CMC1: variants seen among roughly 807,000 people sequenced by gnomAD.
CMC1 encodes C-X9-C motif containing 1.
In CMC1, 14 loss-of-function variants were observed where a neutral mutation model predicts 14.1. The ratio of observed to expected loss-of-function variants is 0.99; its 90% confidence interval spans 0.66 to 1.55. CMC1 has a LOEUF of 1.55. Ranked by LOEUF, CMC1 falls within the 40% of genes most tolerant of loss-of-function variation. CMC1 has a pLI of 0.00. For missense variants in CMC1, 127 were observed against 123.8 expected (o/e 1.03, Z -0.12); for synonymous variants, 50 against 38.4 (o/e 1.30, Z -1.12).
chr3:28,255,791 A>G (rs1350491654), intron 1 of CMC1, among the ~76,000 whole-genome samples: 2 of 151,738 alleles, frequency 1.3e-5, no homozygotes, highest in South Asian at 2.1e-4. Flanking sequence ...AAATGTTTAT[A>G]CTCTGGTTCT....
At chr3:28,254,974 A>T (rs1404266055) in intron 1 of CMC1, among the ~76,000 whole-genome samples, 1 of 152,090 alleles carries the variant, frequency 6.6e-6, no homozygotes, top group Non-Finnish European at 1.5e-5. Flanking sequence ...TCAGCTTTCC[A>T]CTCTACAAGA....
chr3:28,311,778 G>T (rs1702649739), intron 2 of CMC1, among the ~76,000 whole-genome samples: 1 of 152,170 alleles, frequency 6.6e-6, no homozygotes. Context: ...TTATGTTACA[G>T]ATTTAAAACT....
intron 2 of CMC1, among the ~76,000 whole-genome samples, chr3:28,280,697 A>C (rs1035028821): frequency 6.6e-6 from 1 of 152,256 alleles, no homozygotes; most frequent in South Asian, 2.1e-4. Flanking sequence ...AGCATCATAT[A>C]TAATATGGAA....
chr3:28,271,923 T>C (rs1055213987), intron 2 of CMC1, among the ~76,000 whole-genome samples: 5 of 152,208 alleles, frequency 3.3e-5, no homozygotes, highest in African/African-American at 1.2e-4. Flanking sequence ...TAGTTCTCCT[T>C]GAAGAGGTCC....
At chr3:28,246,283 ACT>A (rs1165502998) in intron 1 of CMC1, among the ~76,000 whole-genome samples, 2 of 152,156 alleles carry the variant, frequency 1.3e-5, no homozygotes, top group African/African-American at 4.8e-5. Context: ...CGGATTAACA[ACT>A]CTCTGATGGT....
At chr3:28,267,834 A>G (rs980671597) in intron 2 of CMC1, among the ~76,000 whole-genome samples, 2 of 152,220 alleles carry the variant, frequency 1.3e-5, no homozygotes, top group Non-Finnish European at 2.9e-5. Flanking sequence ...GCATTGAAAT[A>G]GGTTGCAGGG....
rs1170767088 is a variant in CMC1, at chr3:28,322,275, A to G, written c.*2646A>G. The G allele has an allele frequency of 2.0e-5, 3 of 151,296 alleles. No homozygotes were observed. The highest frequency in any genetic ancestry group is 4.4e-5 in the Non-Finnish European group (3 of 67,460). 9.4% of individuals were successfully genotyped at this position (151,296 alleles called of 1,614,324 possible). A position where few individuals can be genotyped will look rare whatever the true frequency, so the allele number is the denominator to read the frequency against. ...TCAAAAGCTGGTTTAACAAATGTCT[A>G]TTGTATGAATCATATTAACAACCAA... On this transcript the variant is annotated 3_prime_UTR_variant, in exon 4 of 4. Transcript: ENST00000466830.
chr3:28,281,900 G>A (rs1700914286), intron 2 of CMC1, among the ~76,000 whole-genome samples: 1 of 152,086 alleles, frequency 6.6e-6, no homozygotes, highest in Non-Finnish European at 1.5e-5. Context: ...TGTTGATACA[G>A]CAGCAAAGAG....
In CMC1 at chr3:28,323,874, ACCAACTATGTTGGT is replaced by A; in HGVS notation, c.*4246_*4259del. The stretch of plus-strand genomic sequence containing the variant: ...AGAGGGTGCTCTTTCATACTAGAAA[ACCAACTATGTTGGT>A]TTTTGTACTATTGTACAGTGTGTTC... On this transcript the variant is annotated 3_prime_UTR_variant, in exon 4 of 4. Transcript: ENST00000466830. 1 of 675,700 alleles carries A rather than the reference ACCAACTATGTTGGT, an allele frequency of 1.5e-6. No individual in the cohort carries two copies. The highest frequency in any genetic ancestry group is 2.7e-5 in the South Asian group (1 of 37,260). The allele number at this position is 675,700 out of a possible 1,614,324, so 41.9% of individuals were successfully genotyped here. A position where few individuals can be genotyped will look rare whatever the true frequency, so the allele number is the denominator to read the frequency against.
At chr3:28,276,027 CTCG>C (rs1466203803) in intron 2 of CMC1, among the ~76,000 whole-genome samples, 4 of 152,158 alleles carry the variant, frequency 2.6e-5, no homozygotes, top group African/African-American at 9.7e-5. Context: ...CTTCTGGGAG[CTCG>C]GTAGTGTTAG....
At chr3:28,319,361 AAC>A (rs1559451370) in intron 3 of CMC1, 146 bp from the exon 4 acceptor site, 1 of 749,082 alleles carries the variant, frequency 1.3e-6, no homozygotes, top group Non-Finnish European at 2.4e-6. Flanking sequence ...GCATAAAGTT[AAC>A]AGTGAATTTT....
intron 3 of CMC1, chr3:28,317,417 A>G (rs1702981820): frequency 6.6e-6 from 1 of 152,024 alleles, no homozygotes; most frequent in African/African-American, 2.4e-5. Flanking sequence ...ACCATATAGG[A>G]GTAAAAGTTC....
rs1386876797 is a variant in CMC1 at position 28,241,670 on chromosome 3, G to C, written c.-124G>C. On this transcript the variant is annotated 5_prime_UTR_variant, in exon 1 of 4. Coordinates refer to ENST00000466830, the MANE Select transcript of CMC1 (RefSeq NM_182523.2). Reference sequence around the variant, plus strand: ...CCTGGCGGTGCTTTGCAAAGGGCCCGTGTTTCTGTTGCGGGAAGCTCCCGG... The same window carrying C: ...CCTGGCGGTGCTTTGCAAAGGGCCCCTGTTTCTGTTGCGGGAAGCTCCCGG... The C allele has an allele frequency of 9.7e-6, 12 of 1,234,850 alleles. No individual in the cohort carries two copies. The highest frequency in any genetic ancestry group is 8.4e-5 in the Admixed American group (2 of 23,702). The allele number at this position is 1,234,850 out of a possible 1,614,324, so 76.5% of individuals were successfully genotyped here.
At chr3:28,278,036 A>G (rs973761877) in intron 2 of CMC1, among the ~76,000 whole-genome samples, 33 of 100,336 alleles carry the variant, frequency 3.3e-4, no homozygotes, top group Non-Finnish European at 5.3e-4. Flanking sequence ...TAGAGACACC[A>G]TTTTTGTCTG....
intron 1 of CMC1, 26 bp from the exon 2 acceptor site, chr3:28,263,265 T>TTA (rs773395607): frequency 6.5e-7 from 1 of 1,535,844 alleles, no homozygotes; most frequent in African/African-American, 1.4e-5. Context: ...TGAGACTTTA[T>TTA]TAAAGAAAGA....
chr3:28,272,784 A>G (rs1218830173), intron 2 of CMC1, among the ~76,000 whole-genome samples: 2 of 152,004 alleles, frequency 1.3e-5, no homozygotes, highest in Admixed American at 1.3e-4. Context: ...CCCAGGTTCA[A>G]TCGATTATCC....
At chr3:28,283,268 C>T (rs1000138204) in intron 2 of CMC1, among the ~76,000 whole-genome samples, 1 of 152,036 alleles carries the variant, frequency 6.6e-6, no homozygotes, top group East Asian at 1.9e-4. Flanking sequence ...AATCCCAGCA[C>T]TTTGGTGGGC....
intron 2 of CMC1, among the ~76,000 whole-genome samples, chr3:28,283,240 G>T (rs1041389603): frequency 1.3e-5 from 2 of 152,112 alleles, no homozygotes; most frequent in African/African-American, 4.8e-5. Context: ...TTGGCCAGGT[G>T]TGGTGGCTCA....
intron 2 of CMC1, among the ~76,000 whole-genome samples, chr3:28,279,856 A>C (rs1423938020): frequency 6.6e-6 from 1 of 152,246 alleles, no homozygotes; most frequent in African/African-American, 2.4e-5. Context: ...GAATGGCTAC[A>C]ATTAAGAGCA....
Sources: gnomAD v4.1 joint callset for allele counts (sites outside exome capture counted in the v4.1 genomes callset) on GRCh38, gnomAD v4.1.1 for gene constraint, MANE v1.5 for transcripts, NCBI Gene and HGNC (gene_info 2026-07-23, HGNC 2026-07-21) for gene names.